The following KHDRBS2 variants were observed in gnomAD, a reference collection of about 807,000 sequenced individuals.
KHDRBS2 encodes the protein KH domain-containing, RNA-binding, signal transduction-associated protein 2.
Under a neutral mutation model 44.3 loss-of-function variants are expected in KHDRBS2, and 26 were observed. That is an observed-to-expected ratio of 0.59 (90% CI 0.43 to 0.81). The LOEUF (loss-of-function observed/expected upper bound fraction) is 0.81, where lower values mean the gene tolerates loss of function less well. Among genes scored for constraint, KHDRBS2 ranks in the 40% least tolerant of loss-of-function variants. The probability of loss-of-function intolerance (pLI) is 0.00; values close to 1 mark genes in which losing one functional copy is unlikely to be tolerated. For synonymous variants in KHDRBS2, 194 were observed against 151.1 expected, an observed-to-expected ratio of 1.28 and a Z score of -2.08; for missense variants, 476 against 433.1, an observed-to-expected ratio of 1.10 and a Z score of -0.88.
the KHDRBS2 span, among the ~76,000 whole-genome samples, chr6:61,549,922 T>C: frequency 6.6e-6 from 1 of 152,156 alleles, no homozygotes; most frequent in Non-Finnish European, 1.5e-5. Context: ...TTTCACTGAG[T>C]TATGCAGAGC....
At chr6:62,121,529 A>AG (rs1419324429) in intron 2 of KHDRBS2, among the ~76,000 whole-genome samples, 1 of 152,196 alleles carries the variant, frequency 6.6e-6, no homozygotes, top group Non-Finnish European at 1.5e-5. Context: ...CCTGGTACCT[A>AG]GCATGCAGCC....
downstream of KHDRBS2, among the ~76,000 whole-genome samples, chr6:61,677,890 C>CCA: frequency 6.6e-6 from 1 of 151,876 alleles, no homozygotes; most frequent in Non-Finnish European, 1.5e-5. Context: ...TACTCCTTTC[C>CCA]TTCCACTCCA....
At chr6:62,039,875 A>T (rs937062608) in intron 3 of KHDRBS2, among the ~76,000 whole-genome samples, 1 of 152,096 alleles carries the variant, frequency 6.6e-6, no homozygotes, top group African/African-American at 2.4e-5. Context: ...TTGCTTTGTC[A>T]AGTTGTAGTA....
At chr6:61,858,654 A>G (rs1338648953) in intron 6 of KHDRBS2, among the ~76,000 whole-genome samples, 1 of 151,892 alleles carries the variant, frequency 6.6e-6, no homozygotes, top group Non-Finnish European at 1.5e-5. Flanking sequence ...AAAGGTTGAA[A>G]TTTTGCTTAA....
chr6:61,999,496 G>A (rs1252827897), intron 3 of KHDRBS2, among the ~76,000 whole-genome samples: 2 of 151,964 alleles, frequency 1.3e-5, no homozygotes, highest in Non-Finnish European at 2.9e-5. Context: ...CACACTTTGG[G>A]TATACCAAAA....
chr6:62,056,719 A>G (rs2127320309), intron 2 of KHDRBS2, among the ~76,000 whole-genome samples: 1 of 152,064 alleles, frequency 6.6e-6, no homozygotes, highest in East Asian at 1.9e-4. Flanking sequence ...TTTATTGATG[A>G]CAGTAAAACA....
the KHDRBS2 span, among the ~76,000 whole-genome samples, chr6:61,558,381 G>T: frequency 6.6e-6 from 1 of 151,708 alleles, no homozygotes. Flanking sequence ...GAGCAACATG[G>T]CAAAACCCTG....
intron 6 of KHDRBS2, among the ~76,000 whole-genome samples, chr6:61,864,924 T>A (rs773712410): frequency 6.6e-6 from 1 of 152,218 alleles, no homozygotes; most frequent in Non-Finnish European, 1.5e-5. Flanking sequence ...AGTTGTAGAT[T>A]TGGTCTCTTT....
intron 6 of KHDRBS2, among the ~76,000 whole-genome samples, chr6:61,848,039 C>T (rs1794662904): frequency 6.6e-6 from 1 of 151,998 alleles, no homozygotes; most frequent in Non-Finnish European, 1.5e-5. Flanking sequence ...GCAGCACACT[C>T]TTAATAATCA....
chr6:62,141,430 G>GA (rs1193114475), intron 2 of KHDRBS2, among the ~76,000 whole-genome samples: 7 of 152,240 alleles, frequency 4.6e-5, no homozygotes, highest in Admixed American at 4.6e-4. Flanking sequence ...AGATAGGACA[G>GA]AAAAAACTTC....
At chr6:61,672,800 T>C in the KHDRBS2 span, among the ~76,000 whole-genome samples, 1 of 149,760 alleles carries the variant, frequency 6.7e-6, no homozygotes, top group African/African-American at 2.4e-5. Flanking sequence ...GTAGGTTGCC[T>C]GTTCACTCTG....
In KHDRBS2 at chr6:61,946,863, C is replaced by T. The variant is rs376932872; in HGVS notation, c.483+31203G>A. 2.0e-5 allele frequency among the ~76,000 whole-genome samples: 3 copies of T among 152,150 alleles called. No homozygotes were observed. The South Asian group carries it at 6.2e-4, about 32-fold the overall frequency. Reference sequence around the variant, plus strand: ...CTTCTGACTATCTGCTATTGCCTTTCACTGGCCCAACTCAGATACTCCATC... The same window carrying T: ...CTTCTGACTATCTGCTATTGCCTTTTACTGGCCCAACTCAGATACTCCATC... On this transcript the variant is annotated intron_variant, in intron 4 of 8. Coordinates refer to ENST00000281156, the MANE Select transcript of KHDRBS2 (RefSeq NM_152688.4).
In KHDRBS2 at chr6:61,957,040, C is replaced by A. The variant is rs187234341; in HGVS notation, c.483+21026G>T. Among the ~76,000 whole-genome samples, 173 of 152,160 alleles carry A rather than the reference C, an allele frequency of 1.1e-3. 1 individual carries two copies. Among genetic ancestry groups the A allele is most frequent in the African/African-American group, 3.9e-3 (162 of 41,528 alleles). ...ATTTCATGAACATTTATTAGTTCCC[C>A]AAATTAATACTTTTATAATTTCTTA... On this transcript the variant is annotated intron_variant, in intron 4 of 8. Transcript: ENST00000281156.
chr6:62,169,373 T>A (rs145394516), intron 2 of KHDRBS2, among the ~76,000 whole-genome samples: 3 of 151,966 alleles, frequency 2.0e-5, no homozygotes, highest in South Asian at 4.2e-4. Context: ...AAATGTTGCC[T>A]TTGTAGAGGC....
the KHDRBS2 span, among the ~76,000 whole-genome samples, chr6:61,586,850 T>C: frequency 6.6e-6 from 1 of 152,316 alleles, no homozygotes; most frequent in East Asian, 1.9e-4. Flanking sequence ...GCTTCATCCT[T>C]GAACTTCTCT....
intron 1 of KHDRBS2, among the ~76,000 whole-genome samples, chr6:62,216,025 T>C (rs1829922575): frequency 6.6e-6 from 1 of 151,792 alleles, no homozygotes; most frequent in African/African-American, 2.4e-5. Context: ...ATATAGCTTT[T>C]AATTTTAAAG....
At chr6:61,584,485 C>T in the KHDRBS2 span, among the ~76,000 whole-genome samples, 1 of 151,896 alleles carries the variant, frequency 6.6e-6, no homozygotes, top group Admixed American at 6.6e-5. Flanking sequence ...AAGTGATTAA[C>T]TATATTGGCT....
At position 62,256,227 on chromosome 6, in the gene KHDRBS2, GC is replaced by G. The variant is rs537090000; in HGVS notation, c.91+29630del. On this transcript the variant is annotated intron_variant, in intron 1 of 8. Coordinates refer to ENST00000281156, the MANE Select transcript of KHDRBS2 (RefSeq NM_152688.4). ...AGTCCCAGCTACAGGGTCCACCTCT[GC>G]CCCGACATTAGATTCCAAGCTGAAT... Among the ~76,000 whole-genome samples the G allele has an allele frequency of 8.6e-4, 130 of 152,044 alleles. 1 individual carries two copies. Among genetic ancestry groups the G allele is most frequent in the African/African-American group, 3.0e-3 (123 of 41,532 alleles).
chr6:62,083,184 CAT>C (rs1193871272), intron 2 of KHDRBS2, among the ~76,000 whole-genome samples: 1 of 151,152 alleles, frequency 6.6e-6, no homozygotes, highest in Admixed American at 6.6e-5. Flanking sequence ...GAGGGCAGAG[CAT>C]CACAGCAGAG....
Sources: allele counts gnomAD v4.1 joint callset (sites outside exome capture counted in the v4.1 genomes callset), GRCh38; gene constraint gnomAD v4.1.1; transcripts MANE v1.5; gene names NCBI Gene and HGNC (gene_info 2026-07-23, HGNC 2026-07-21).